The following MSH3 variants were observed in gnomAD, a reference collection of about 807,000 sequenced individuals.
MSH3 encodes the protein DNA mismatch repair protein Msh3.
Under a neutral mutation model 123.3 loss-of-function variants are expected in MSH3, and 106 were observed. The observed-to-expected ratio is 0.86, with a 90% CI of 0.73 to 1.01. The LOEUF (loss-of-function observed/expected upper bound fraction) is 1.01. MSH3 is among the 50% of genes least tolerant of loss of function. The probability of loss-of-function intolerance (pLI) is 0.00; values close to 1 mark genes in which losing one functional copy is unlikely to be tolerated. For missense variants in MSH3, 1,459 were observed against 1,347.6 expected, an observed-to-expected ratio of 1.08 and a Z score of -1.29; for synonymous variants, 515 against 481.4, an observed-to-expected ratio of 1.07 and a Z score of -0.91.
At chr5:80,836,598 G>A (rs1290404161) in intron 20 of MSH3, among the ~76,000 whole-genome samples, 1 of 149,122 alleles carries the variant, frequency 6.7e-6, no homozygotes, top group Non-Finnish European at 1.5e-5. Context: ...AGTATCTGCT[G>A]GGGACTGGTT....
intron 12 of MSH3, among the ~76,000 whole-genome samples, chr5:80,753,382 C>G (rs1253689218): frequency 6.6e-6 from 1 of 152,098 alleles, no homozygotes. Context: ...TAGCTACCGT[C>G]AGGAATGTAG....
In MSH3 at chr5:80,684,175, G is replaced by A. The variant is rs570894256; in HGVS notation, c.1340+5082G>A. ...TATATTTGGCTATTCTGAGTCTTTCGTTGCTCATATACATTTTAGGCTAAT... is the reference window on the plus strand; with the variant it reads ...TATATTTGGCTATTCTGAGTCTTTCATTGCTCATATACATTTTAGGCTAAT... On this transcript the variant is annotated intron_variant, in intron 8 of 23. Transcript: ENST00000265081. Among the ~76,000 whole-genome samples the A allele has an allele frequency of 1.4e-3, 219 of 151,838 alleles. 1 individual carries two copies. Among genetic ancestry groups the A allele is most frequent in the African/African-American group, 4.9e-3 (201 of 41,410 alleles).
chr5:80,735,483 C>T lies in MSH3; in HGVS notation c.1569-5981C>T, dbSNP rs570956051. Among the ~76,000 whole-genome samples the T allele has an allele frequency of 7.9e-5, 12 of 151,354 alleles. No individual in the cohort carries two copies. The South Asian group carries it at 2.1e-3, about 26-fold the overall frequency. ...CTTCGGATTGCCTGAGATCAGGAGT[C>T]CGAGACCAGCCTGGGTAACACGATG... is the stretch of plus-strand genomic sequence containing the variant. On this transcript the variant is annotated intron_variant, in intron 10 of 23. Transcript: ENST00000265081.
chr5:80,703,535 T>C (rs140137813), intron 8 of MSH3, among the ~76,000 whole-genome samples: 661 of 152,128 alleles, frequency 4.3e-3, no homozygotes, highest in Non-Finnish European at 7.1e-3. Flanking sequence ...ACACATAGCT[T>C]AGCCTCCTGT....
chr5:80,776,727 T>A (rs1188981062), intron 16 of MSH3, among the ~76,000 whole-genome samples: 4 of 151,714 alleles, frequency 2.6e-5, no homozygotes, highest in African/African-American at 9.7e-5. Flanking sequence ...TATCAATAAG[T>A]TGCACAAACA....
chr5:80,862,895 A>G (rs549316305), intron 21 of MSH3, among the ~76,000 whole-genome samples: 1 of 152,250 alleles, frequency 6.6e-6, no homozygotes, highest in Non-Finnish European at 1.5e-5. Flanking sequence ...TTTTTAATCA[A>G]CATTTAATAA....
rs1746073377 is a variant in MSH3, at chr5:80,864,852, G to C, written c.3040G>C (p.Val1014Leu). Residue 1014 changes from valine (V) to leucine (L), a missense_variant, in exon 22 of 24, where the codon GTT becomes CTT. Transcript: ENST00000265081. ...LTLFVTHYPPVCELEKNYSHQ... is the reference protein window; with the variant it reads ...LTLFVTHYPPLCELEKNYSHQ... ...CCTGTTTGTCACCCATTATCCGCCA[G>C]TTTGTGAACTAGAAAAAAATTACTC... 6.2e-7 allele frequency: 1 copy of C among 1,613,312 alleles called. No individual in the cohort carries two copies. The highest frequency in any genetic ancestry group is 8.5e-7 in the Non-Finnish European group (1 of 1,179,316).
chr5:80,717,299 C>T (rs1177143499), intron 8 of MSH3, among the ~76,000 whole-genome samples: 2 of 151,922 alleles, frequency 1.3e-5, no homozygotes, highest in African/African-American at 2.4e-5. Context: ...GGTGTCTTGC[C>T]CTGTCACCCA....
intron 20 of MSH3, among the ~76,000 whole-genome samples, chr5:80,815,546 G>T (rs1745086133): frequency 6.6e-6 from 1 of 152,166 alleles, no homozygotes; most frequent in Non-Finnish European, 1.5e-5. Context: ...GCTACTTCTG[G>T]TGTTTCAGTG....
intron 10 of MSH3, among the ~76,000 whole-genome samples, chr5:80,738,087 A>G (rs1192195953): frequency 6.6e-6 from 1 of 152,212 alleles, no homozygotes; most frequent in Non-Finnish European, 1.5e-5. Context: ...ACCATTGATT[A>G]AAATAACCTA....
chr5:80,671,579 CG>C (rs748950108), intron 4 of MSH3, among the ~76,000 whole-genome samples: 5 of 152,070 alleles, frequency 3.3e-5, no homozygotes, highest in African/African-American at 4.8e-5. Flanking sequence ...GACCTGACCA[CG>C]GTAAAGGCTG....
At chr5:80,790,174 A>G (rs896309243) in intron 18 of MSH3, among the ~76,000 whole-genome samples, 5 of 152,202 alleles carry the variant, frequency 3.3e-5, no homozygotes, top group Non-Finnish European at 7.4e-5. Context: ...AGATGTGTAT[A>G]GGATTGTTCA....
At chr5:80,858,381 C>T (rs902333708) in intron 21 of MSH3, among the ~76,000 whole-genome samples, 13 of 152,094 alleles carry the variant, frequency 8.5e-5, no homozygotes, top group African/African-American at 1.4e-4. Flanking sequence ...GCTTTTGGTG[C>T]GGTTCCACAA....
At chr5:80,751,461 G>C (rs1447687451) in intron 12 of MSH3, among the ~76,000 whole-genome samples, 1 of 152,146 alleles carries the variant, frequency 6.6e-6, no homozygotes, top group East Asian at 1.9e-4. Flanking sequence ...AAACTAGCTA[G>C]CTGGAGACTA....
rs1254174829 is a variant in MSH3, at chr5:80,654,764, G to GCCT, written c.40_42dup (p.Ser16dup). 1 of 1,604,094 alleles carries GCCT rather than the reference G, an allele frequency of 6.2e-7. No homozygotes were observed. The highest frequency in any genetic ancestry group is 2.3e-5 in the East Asian group (1 of 43,070). ...GAAGCCTGCGTCGGGCGGCCTCGCT[G>GCCT]CCTCCAGCTCAGCCCCTGCGAGGCA... On this transcript the variant is annotated inframe_insertion, in exon 1 of 24. Transcript: ENST00000265081.
At chr5:80,659,834 CTCTA>C in intron 2 of MSH3, among the ~76,000 whole-genome samples, 1 of 152,256 alleles carries the variant, frequency 6.6e-6, no homozygotes, top group Non-Finnish European at 1.5e-5. Flanking sequence ...AGCTTTCTGT[CTCTA>C]TCATTTTGGC....
chr5:80,683,881 G>C (rs1451076732), intron 8 of MSH3, among the ~76,000 whole-genome samples: 1 of 152,110 alleles, frequency 6.6e-6, no homozygotes, highest in East Asian at 1.9e-4. Flanking sequence ...GAGAGATAGG[G>C]TCTAGTTTCA....
chr5:80,668,514 G>A (rs1749622328), intron 3 of MSH3, among the ~76,000 whole-genome samples: 1 of 152,178 alleles, frequency 6.6e-6, no homozygotes, highest in Non-Finnish European at 1.5e-5. Flanking sequence ...TCCAGAGGGG[G>A]CCGAGGCAGC....
At chr5:80,862,554 A>G (rs764457137) in intron 21 of MSH3, among the ~76,000 whole-genome samples, 1 of 152,064 alleles carries the variant, frequency 6.6e-6, no homozygotes, top group Non-Finnish European at 1.5e-5. Context: ...GCCCAGGTTC[A>G]AGACCAGCCT....
Sources: allele counts gnomAD v4.1 joint callset (sites outside exome capture counted in the v4.1 genomes callset), GRCh38; gene constraint gnomAD v4.1.1; transcripts MANE v1.5; gene names NCBI Gene and HGNC (gene_info 2026-07-23, HGNC 2026-07-21).